DIAPH1: variants seen among roughly 807,000 people sequenced by gnomAD.
The protein encoded by DIAPH1 is protein diaphanous homolog 1.
A neutral mutation model predicts 140.7 loss-of-function variants in DIAPH1; 46 were observed. That is an observed-to-expected ratio of 0.33 (90% CI 0.26 to 0.42). The LOEUF (loss-of-function observed/expected upper bound fraction) is 0.42, where lower values mean the gene tolerates loss of function less well. Among genes scored for constraint, DIAPH1 ranks in the 10% least tolerant of loss-of-function variants. The pLI is 1.00. For missense variants in DIAPH1, 1,310 were observed against 1,558.7 expected (o/e 0.84, Z 2.69); for synonymous variants, 565 against 551.6 (o/e 1.02, Z -0.34).
chr5:141,618,726 C>T, intron 1 of DIAPH1, 72 bp downstream of exon 1: 1 of 1,162,098 alleles, frequency 8.6e-7, no homozygotes, highest in Non-Finnish European at 1.2e-6. Flanking sequence ...GGCAGGCGCC[C>T]CAGGGGCCGG....
Position 141,516,522 on chromosome 5 carries a change from CA to C in DIAPH1, c.*328del, listed in dbSNP as rs2099885709. 5.1e-6 allele frequency: 2 copies of C among 388,538 alleles called. No individual in the cohort carries two copies. The highest frequency in any genetic ancestry group is 5.0e-5 in the South Asian group (2 of 40,402). The allele number at this position is 388,538 out of a possible 1,614,324, so 24.1% of individuals were successfully genotyped here. On this transcript the variant is annotated 3_prime_UTR_variant, in exon 28 of 28. Coordinates refer to ENST00000389054, the MANE Select transcript of DIAPH1 (RefSeq NM_005219.5). ...TTAGAAAGTCAGGGCTGAGAAAAAGCAGGCTGGGCCTTGTCTGAGATGAGGC... is the reference window on the plus strand; with the variant it reads ...TTAGAAAGTCAGGGCTGAGAAAAAGCGGCTGGGCCTTGTCTGAGATGAGGC...
rs921364594 is a variant in DIAPH1 at position 141,515,604 on chromosome 5, C to T, written c.*1247G>A. The T allele has an allele frequency of 2.0e-5, 3 of 152,254 alleles. No individual in the cohort carries two copies. Among genetic ancestry groups the T allele is most frequent in the Admixed American group, 6.5e-5 (1 of 15,290 alleles). 9.4% of individuals were successfully genotyped at this position (152,254 alleles called of 1,614,324 possible). ...TGGGGTACAGTGTATGAAGGCACTCCTGGTGCCCAGTTCCCCAGAATGTCC... is the reference window on the plus strand; with the variant it reads ...TGGGGTACAGTGTATGAAGGCACTCTTGGTGCCCAGTTCCCCAGAATGTCC... On this transcript the variant is annotated 3_prime_UTR_variant, in exon 28 of 28. Transcript: ENST00000389054.
intron 1 of DIAPH1, among the ~76,000 whole-genome samples, chr5:141,601,080 G>C (rs895066573): frequency 6.6e-6 from 1 of 152,028 alleles, no homozygotes. Flanking sequence ...CCTGTTGTGG[G>C]ATGGGGGGAG....
chr5:141,541,599 C>T (rs1270352292), intron 18 of DIAPH1, among the ~76,000 whole-genome samples: 2 of 150,606 alleles, frequency 1.3e-5, no homozygotes, highest in Non-Finnish European at 2.9e-5. Context: ...GCATAAGAAT[C>T]GCTTGAACCC....
chr5:141,549,904 A>C (rs544819619), intron 18 of DIAPH1, among the ~76,000 whole-genome samples: 1 of 152,312 alleles, frequency 6.6e-6, no homozygotes, highest in Non-Finnish European at 1.5e-5. Flanking sequence ...ATGTAAACAG[A>C]CTACACACTC....
intron 18 of DIAPH1, 75 bp from the exon 19 acceptor site, chr5:141,534,508 G>A: frequency 1.8e-6 from 2 of 1,123,832 alleles, no homozygotes; most frequent in Non-Finnish European, 2.7e-6. Context: ...CTACTGTCCA[G>A]CGTGAAATGG....
chr5:141,576,299 AAAG>A lies in DIAPH1; in HGVS notation c.1397-8_1397-6del, dbSNP rs771642064. ...TTGTCTTATCAATCATTTGATCTGA[AAAG>A]AAGAAGAGTCAGTAAGTAAAGCTCC... On this transcript the variant is annotated splice_polypyrimidine_tract_variant and splice_region_variant and intron_variant, in intron 13 of 27. Transcript: ENST00000389054. 103 of 1,611,328 alleles carry A rather than the reference AAAG, an allele frequency of 6.4e-5. No homozygotes were observed. The East Asian group carries it at 8.0e-4, about 13-fold the overall frequency.
intron 13 of DIAPH1, 95 bp downstream of exon 13, chr5:141,576,661 G>T: frequency 1.1e-6 from 1 of 894,462 alleles, no homozygotes; most frequent in Non-Finnish European, 1.9e-6. Context: ...TCTGGGGACT[G>T]GAAAGGTATC....
intron 18 of DIAPH1, among the ~76,000 whole-genome samples, chr5:141,569,929 T>G (rs1306837378): frequency 1.3e-5 from 2 of 152,184 alleles, no homozygotes; most frequent in Non-Finnish European, 2.9e-5. Context: ...TTGAAATTCC[T>G]TATCTGACAA....
chr5:141,617,863 G>A (rs2099902929), intron 1 of DIAPH1, among the ~76,000 whole-genome samples: 1 of 152,220 alleles, frequency 6.6e-6, no homozygotes, highest in South Asian at 2.1e-4. Context: ...ACTGGCACTT[G>A]AGGAAAGCTT....
At chr5:141,593,929 A>G (rs752887524) in intron 1 of DIAPH1, among the ~76,000 whole-genome samples, 6 of 152,132 alleles carry the variant, frequency 3.9e-5, no homozygotes, top group African/African-American at 2.4e-5. Flanking sequence ...CCTCCCGAGT[A>G]GCTGGGATTA....
chr5:141,593,372 A>G (rs897699432), intron 1 of DIAPH1, among the ~76,000 whole-genome samples: 8 of 152,118 alleles, frequency 5.3e-5, no homozygotes, highest in Non-Finnish European at 1.0e-4. Context: ...GGAGGATGCC[A>G]GGGTCCCTAT....
rs2099894184 is a variant in DIAPH1, at chr5:141,565,169, A to C, written c.2482+6259T>G. 1 of 152,234 alleles carries C rather than the reference A, an allele frequency of 6.6e-6. No homozygotes were observed. The allele number at this position is 152,234 out of a possible 1,614,324, so 9.4% of individuals were successfully genotyped here. On this transcript the variant is annotated intron_variant, in intron 18 of 27. Transcript: ENST00000389054. This position sits in a 1 kb window ranked among gnomAD's most constrained non-coding sequence, Gnocchi z 4.3. ...ATGACACAAATCTATATGTAAGGAC[A>C]TCGAGATGCTAAAACACGTTAAGCA...
intron 26 of DIAPH1, among the ~76,000 whole-genome samples, chr5:141,525,252 C>T (rs1290478569): frequency 6.6e-6 from 1 of 152,150 alleles, no homozygotes; most frequent in Admixed American, 6.5e-5. Context: ...ATACTGATTC[C>T]TAACAAACTC....
intron 1 of DIAPH1, among the ~76,000 whole-genome samples, chr5:141,606,411 T>G (rs894233578): frequency 1.3e-5 from 2 of 152,214 alleles, no homozygotes; most frequent in African/African-American, 4.8e-5. Flanking sequence ...TTTATTTATT[T>G]TGAGACAGAG....
At chr5:141,572,128 GCT>G in intron 16 of DIAPH1, 88 bp from the exon 17 acceptor site, 2 of 909,278 alleles carry the variant, frequency 2.2e-6, no homozygotes, top group African/African-American at 3.3e-5. Context: ...AAAATAGGTG[GCT>G]GGCTGATTAT....
chr5:141,604,000 G>T (rs1739037730), intron 1 of DIAPH1, among the ~76,000 whole-genome samples: 1 of 152,162 alleles, frequency 6.6e-6, no homozygotes, highest in Non-Finnish European at 1.5e-5. Context: ...ACCGGGCTGA[G>T]GATGCTGCAT....
At chr5:141,582,128 T>A in intron 7 of DIAPH1, 184 bp downstream of exon 7, 4 of 497,260 alleles carry the variant, frequency 8.0e-6, no homozygotes, top group East Asian at 3.5e-5. Context: ...GAAACAGAAG[T>A]TAGAACTGAG....
In DIAPH1 at chr5:141,565,238, T is replaced by C. The variant is rs2099894198; in HGVS notation, c.2482+6190A>G. The C allele has an allele frequency of 6.6e-6, 1 of 152,194 alleles. No individual in the cohort carries two copies. The highest frequency in any genetic ancestry group is 6.5e-5 in the Admixed American group (1 of 15,276). 9.4% of individuals were successfully genotyped at this position (152,194 alleles called of 1,614,324 possible). A position where few individuals can be genotyped will look rare whatever the true frequency, so the allele number is the denominator to read the frequency against. The stretch of plus-strand genomic sequence containing the variant: ...ACTGTATAAGATCACACCAATTATA[T>C]TAAAAAAGAAGTGTGTATACCTTCA... On this transcript the variant is annotated intron_variant, in intron 18 of 27. Coordinates refer to ENST00000389054, the MANE Select transcript of DIAPH1 (RefSeq NM_005219.5). This position sits in a 1 kb window ranked among gnomAD's most constrained non-coding sequence, Gnocchi z 4.3.
Sources: gnomAD v4.1 joint callset for allele counts (sites outside exome capture counted in the v4.1 genomes callset) on GRCh38, gnomAD v4.1.1 for gene constraint, Gnocchi (gnomAD v3.1) non-coding constraint, MANE v1.5 for transcripts, NCBI Gene and HGNC (gene_info 2026-07-23, HGNC 2026-07-21) for gene names.